The following FOXN3 variants were observed in gnomAD, a reference collection of about 807,000 sequenced individuals.
FOXN3 encodes forkhead box protein N3.
In FOXN3, 7 loss-of-function variants were observed where a neutral mutation model predicts 38.4. The ratio of observed to expected loss-of-function variants is 0.18; its 90% CI spans 0.10 to 0.34. The LOEUF (loss-of-function observed/expected upper bound fraction) is 0.34. Ranked by LOEUF, FOXN3 falls within the 10% of genes least tolerant of loss-of-function variation. The probability of loss-of-function intolerance (pLI) is 1.00; values close to 1 mark genes in which losing one functional copy is unlikely to be tolerated. For synonymous variants in FOXN3, 230 were observed against 242.2 expected, an observed-to-expected ratio of 0.95 and a Z score of 0.47; for missense variants, 456 against 613.4, an observed-to-expected ratio of 0.74 and a Z score of 2.71.
chr14:89,447,427 G>A (rs1467373282), intron 1 of FOXN3, among the ~76,000 whole-genome samples: 3 of 152,182 alleles, frequency 2.0e-5, no homozygotes, highest in Non-Finnish European at 4.4e-5. Flanking sequence ...TCCTTCAGCA[G>A]GTGTTTTAAT....
chr14:89,441,979 T>G (rs1892396643), intron 1 of FOXN3, among the ~76,000 whole-genome samples: 1 of 140,102 alleles, frequency 7.1e-6, no homozygotes, highest in Admixed American at 8.0e-5. Context: ...CGGGCTGGAG[T>G]GCAATGGCAT....
intron 3 of FOXN3, among the ~76,000 whole-genome samples, chr14:89,324,281 T>C (rs558075139): frequency 2.4e-4 from 37 of 152,300 alleles, no homozygotes; most frequent in Non-Finnish European, 4.7e-4. Context: ...CATTACGGAA[T>C]AGAAATTATT....
rs200836310 is a variant in FOXN3, at chr14:89,373,182, AC to A, written c.544-22375del. On this transcript the variant is annotated intron_variant, in intron 2 of 5. Transcript: ENST00000557258. Reference sequence around the variant, plus strand: ...CCCTGTCTCAAAAAAAAGAAAAAAAACAATTAAATGTAAACCATGTGTTACC... The same window carrying A: ...CCCTGTCTCAAAAAAAAGAAAAAAAAAATTAAATGTAAACCATGTGTTACC... 9.7e-3 allele frequency among the ~76,000 whole-genome samples: 1,476 copies of A among 152,282 alleles called. 23 individuals carry two copies. The highest frequency in any genetic ancestry group is 0.034 in the African/African-American group (1,392 of 41,550).
chr14:89,550,137 C>T (rs1894972606), intron 1 of FOXN3, among the ~76,000 whole-genome samples: 1 of 152,130 alleles, frequency 6.6e-6, no homozygotes, highest in Non-Finnish European at 1.5e-5. Context: ...ACTGACTGAG[C>T]ACCCATGAGC....
chr14:89,355,502 G>T (rs1889180957), intron 2 of FOXN3, among the ~76,000 whole-genome samples: 1 of 152,068 alleles, frequency 6.6e-6, no homozygotes, highest in East Asian at 1.9e-4. Flanking sequence ...CTCCCAAAGT[G>T]CTGGAAATAC....
chr14:89,369,541 G>A (rs1007518035), intron 2 of FOXN3, among the ~76,000 whole-genome samples: 1 of 108,952 alleles, frequency 9.2e-6, no homozygotes, highest in Admixed American at 1.0e-4. Context: ...ACCCAAGACT[G>A]GGTAATTTTT....
intron 3 of FOXN3, among the ~76,000 whole-genome samples, chr14:89,308,659 A>T (rs1383465768): frequency 6.6e-6 from 1 of 152,192 alleles, no homozygotes; most frequent in Non-Finnish European, 1.5e-5. Context: ...GAGTTCAAGT[A>T]ACCTATGGCC....
intron 4 of FOXN3, among the ~76,000 whole-genome samples, chr14:89,214,646 C>A (rs537518617): frequency 6.6e-6 from 1 of 152,214 alleles, no homozygotes; most frequent in Non-Finnish European, 1.5e-5. Context: ...GCACTTCATG[C>A]TGACCCACTC....
At chr14:89,257,622 C>T (rs1347715743) in intron 4 of FOXN3, among the ~76,000 whole-genome samples, 1 of 152,130 alleles carries the variant, frequency 6.6e-6, no homozygotes, top group Non-Finnish European at 1.5e-5. Flanking sequence ...TAGTGGCGCA[C>T]ACCTATAGTC....
chr14:89,601,133 G>A (rs1473340470), intron 1 of FOXN3, among the ~76,000 whole-genome samples: 3 of 152,130 alleles, frequency 2.0e-5, no homozygotes, highest in Admixed American at 6.5e-5. Flanking sequence ...ATAAAATAGC[G>A]TTGATGCCTA....
intron 1 of FOXN3, among the ~76,000 whole-genome samples, chr14:89,468,240 C>G (rs1226106288): frequency 6.6e-5 from 10 of 151,782 alleles, no homozygotes; most frequent in African/African-American, 1.7e-4. Context: ...GATCACCTGA[C>G]GTCAAGAGTT....
At chr14:89,247,213 T>G (rs541825986) in intron 4 of FOXN3, among the ~76,000 whole-genome samples, 24 of 152,186 alleles carry the variant, frequency 1.6e-4, no homozygotes, top group African/African-American at 5.8e-4. Flanking sequence ...TTTCTGTAAA[T>G]TGCAAAGTGT....
intron 1 of FOXN3, among the ~76,000 whole-genome samples, chr14:89,428,432 A>G (rs1221769338): frequency 6.6e-6 from 1 of 152,180 alleles, no homozygotes; most frequent in Non-Finnish European, 1.5e-5. Context: ...TGAGTACTCA[A>G]TCTTAAAAGG....
intron 1 of FOXN3, among the ~76,000 whole-genome samples, chr14:89,593,104 A>AGGG: frequency 7.5e-6 from 1 of 133,522 alleles, no homozygotes; most frequent in Non-Finnish European, 1.6e-5. Flanking sequence ...GGAAGGAAAG[A>AGGG]AAGGAGAGAG....
At chr14:89,409,300 T>G (rs1309451908) in intron 2 of FOXN3, 1 of 142,976 alleles carries the variant, frequency 7.0e-6, no homozygotes, top group Admixed American at 7.3e-5. Flanking sequence ...GTATCCGGAT[T>G]GACAATCTTC....
intron 2 of FOXN3, among the ~76,000 whole-genome samples, chr14:89,376,463 CTAA>C (rs1407489278): frequency 4.6e-5 from 7 of 152,170 alleles, no homozygotes; most frequent in African/African-American, 1.7e-4. Context: ...GGAATATCAA[CTAA>C]TGATAGAATT....
rs1043463922 is a variant in FOXN3 at position 89,309,288 on chromosome 14, C to A, written c.681-28274G>T. ...ATTTCCAAGCCTCCAGGAGTTGCCA[C>A]GTGCCACCACTTCTCTTTACCCATC... On this transcript the variant is annotated intron_variant, in intron 3 of 5. Coordinates refer to ENST00000557258, the MANE Select transcript of FOXN3 (RefSeq NM_005197.4). Among the ~76,000 whole-genome samples the A allele has an allele frequency of 3.9e-5, 6 of 152,098 alleles. No individual in the cohort carries two copies. In the South Asian group the frequency reaches 1.0e-3, roughly 26 times the overall value.
chr14:89,346,084 C>T lies in FOXN3; in HGVS notation c.680+4588G>A, dbSNP rs186306334. Among the ~76,000 whole-genome samples the T allele has an allele frequency of 2.0e-5, 3 of 152,266 alleles. No homozygotes were observed. In the East Asian group the frequency reaches 5.8e-4, roughly 29 times the overall value. ...AAAAGAAAAGAATAATGGCCTCCAG[C>T]TGCATTTAAATTGCTGCAAAAGACA... On this transcript the variant is annotated intron_variant, in intron 3 of 5. Transcript: ENST00000557258.
chr14:89,489,928 G>A lies in FOXN3; in HGVS notation c.-14-77438C>T, dbSNP rs243228. Reference sequence around the variant, plus strand: ...GCTCCTATGTCAGCTTGGAGGGCTGGTTCTTTTCTCAGATCCTCATGGACT... The same window carrying A: ...GCTCCTATGTCAGCTTGGAGGGCTGATTCTTTTCTCAGATCCTCATGGACT... On this transcript the variant is annotated intron_variant, in intron 1 of 6. Transcript: ENST00000345097. Among the ~76,000 whole-genome samples, 10 of 152,312 alleles carry A rather than the reference G, an allele frequency of 6.6e-5. 1 individual carries two copies. In the South Asian group the frequency reaches 1.0e-3, roughly 16 times the overall value.
Sources: gnomAD v4.1 joint callset for allele counts (sites outside exome capture counted in the v4.1 genomes callset) on GRCh38, gnomAD v4.1.1 for gene constraint, MANE v1.5 for transcripts, NCBI Gene and HGNC (gene_info 2026-07-23, HGNC 2026-07-21) for gene names.